The following PAGE2B variants were observed in gnomAD, a reference collection of about 807,000 sequenced individuals.
PAGE2B encodes the protein PAGE family member 2B.
PAGE2B carries 5 observed loss-of-function variants against 7.6 expected under a neutral mutation model. That is an observed-to-expected ratio of 0.66 (90% CI 0.34 to 1.38). The LOEUF is 1.38. Ranked by LOEUF, PAGE2B falls within the 40% of genes most tolerant of loss-of-function variation. The probability of loss-of-function intolerance (pLI) is 0.04; values close to 1 mark genes in which losing one functional copy is unlikely to be tolerated. For missense variants in PAGE2B, 70 were observed against 78.4 expected, an observed-to-expected ratio of 0.89 and a Z score of 0.41; for synonymous variants, 29 against 26.7, an observed-to-expected ratio of 1.09 and a Z score of -0.27.
chrX:55,065,942 A>G, the PAGE2B span, among the ~76,000 whole-genome samples: 6 of 111,460 alleles, frequency 5.4e-5, no homozygotes, highest in African/African-American at 2.0e-4. Context: ...ATTATTTTTG[A>G]TTGGTTTATC....
At chrX:55,029,316 G>A in the PAGE2B span, among the ~76,000 whole-genome samples, 45 of 111,246 alleles carry the variant, frequency 4.0e-4, no homozygotes, top group African/African-American at 1.4e-3. Context: ...CATAGATTCC[G>A]CCTAGTTCTG....
the PAGE2B span, among the ~76,000 whole-genome samples, chrX:55,044,597 C>G: frequency 4.6e-5 from 5 of 108,575 alleles, no homozygotes; most frequent in African/African-American, 1.7e-4. Flanking sequence ...CCCCAAAAAC[C>G]TATTAAAATA....
the PAGE2B span, among the ~76,000 whole-genome samples, chrX:55,053,182 A>G: frequency 7.1e-5 from 8 of 112,008 alleles, no homozygotes; most frequent in African/African-American, 2.3e-4. Context: ...ATGGAATTCT[A>G]TGCAGCCATA....
At chrX:55,066,412 A>G in the PAGE2B span, among the ~76,000 whole-genome samples, 1 of 112,301 alleles carries the variant, frequency 8.9e-6, no homozygotes, top group East Asian at 2.8e-4. Flanking sequence ...CTTATTGCTG[A>G]TTAACATCCT....
chrX:55,035,396 G>A, the PAGE2B span, among the ~76,000 whole-genome samples: 2 of 111,810 alleles, frequency 1.8e-5, no homozygotes, highest in Non-Finnish European at 3.8e-5. Flanking sequence ...ATTTTAAATG[G>A]GTTATGAAGC....
chrX:55,034,471 ATAGAGTAAT>A, the PAGE2B span, among the ~76,000 whole-genome samples: 1 of 111,265 alleles, frequency 9.0e-6, no homozygotes, highest in South Asian at 3.8e-4. Flanking sequence ...TCAAAATATC[ATAGAGTAAT>A]ACAGAGAATT....
chrX:55,030,703 T>C, the PAGE2B span, among the ~76,000 whole-genome samples: 82 of 107,941 alleles, frequency 7.6e-4, no homozygotes, highest in African/African-American at 2.8e-3. Context: ...TGAAATGAAA[T>C]GAATGATCTT....
At chrX:55,067,107 G>A in the PAGE2B span, among the ~76,000 whole-genome samples, 1 of 110,317 alleles carries the variant, frequency 9.1e-6, no homozygotes, top group Non-Finnish European at 1.9e-5. Context: ...TGCAGAATAT[G>A]TATGTTTGTT....
At chrX:55,060,343 T>C in the PAGE2B span, among the ~76,000 whole-genome samples, 20 of 111,467 alleles carry the variant, frequency 1.8e-4, no homozygotes, top group African/African-American at 6.5e-4. Flanking sequence ...TATATCATTG[T>C]GGCTTTAATT....
chrX:55,041,176 G>T, the PAGE2B span, among the ~76,000 whole-genome samples: 1 of 104,934 alleles, frequency 9.5e-6, no homozygotes, highest in Non-Finnish European at 2.0e-5. Flanking sequence ...CCACCTCCCG[G>T]GTTCATGCCA....
At chrX:55,066,682 G>A in the PAGE2B span, among the ~76,000 whole-genome samples, 1 of 111,397 alleles carries the variant, frequency 9.0e-6, no homozygotes, top group East Asian at 2.8e-4. Context: ...TGTGTTATTT[G>A]TTTCTTTTCT....
At chrX:55,066,421 C>T in the PAGE2B span, among the ~76,000 whole-genome samples, 1 of 112,317 alleles carries the variant, frequency 8.9e-6, no homozygotes, top group Admixed American at 9.5e-5. Context: ...GATTAACATC[C>T]TTTTCTTTCA....
chrX:55,051,885 C>G, the PAGE2B span, among the ~76,000 whole-genome samples: 1 of 111,920 alleles, frequency 8.9e-6, no homozygotes, highest in Non-Finnish European at 1.9e-5. Flanking sequence ...GAGAGGTGCT[C>G]TGATTTTTAG....
the PAGE2B span, among the ~76,000 whole-genome samples, chrX:55,069,188 C>T: frequency 8.1e-5 from 9 of 111,751 alleles, no homozygotes; most frequent in African/African-American, 2.9e-4. Flanking sequence ...CCATGAACAC[C>T]TGTTATTATT....
At chrX:55,070,192 C>G (rs1473350649), upstream of PAGE2B, among the ~76,000 whole-genome samples, 4 of 111,564 alleles carry the variant, frequency 3.6e-5, no homozygotes, top group East Asian at 1.1e-3. Flanking sequence ...AAATTTCCCT[C>G]TACACACTGC....
At chrX:55,064,969 ATGGTCTATCCT>A in the PAGE2B span, among the ~76,000 whole-genome samples, 23 of 111,529 alleles carry the variant, frequency 2.1e-4, no homozygotes, top group Non-Finnish European at 3.4e-4. Context: ...GGCCTAACAT[ATGGTCTATCCT>A]TGAGAATGAT....
chrX:55,054,417 C>G, the PAGE2B span, among the ~76,000 whole-genome samples: 1 of 112,088 alleles, frequency 8.9e-6, no homozygotes, highest in South Asian at 3.7e-4. Flanking sequence ...GCTGCTAATT[C>G]CAGCATTAAA....
the PAGE2B span, among the ~76,000 whole-genome samples, chrX:55,037,460 G>A: frequency 9.0e-6 from 1 of 110,836 alleles, no homozygotes; most frequent in Non-Finnish European, 1.9e-5. Flanking sequence ...GGTGGGACTG[G>A]AAACTAGTTC....
At chrX:55,028,473 A>G in the PAGE2B span, among the ~76,000 whole-genome samples, 1 of 111,507 alleles carries the variant, frequency 9.0e-6, no homozygotes, top group Non-Finnish European at 1.9e-5. Flanking sequence ...AGCCCCCAAT[A>G]TTGGAGGCAA....
Sources: allele counts gnomAD v4.1 joint callset (sites outside exome capture counted in the v4.1 genomes callset), GRCh38; gene constraint gnomAD v4.1.1; transcripts MANE v1.5; gene names NCBI Gene and HGNC (gene_info 2026-07-23, HGNC 2026-07-21).